NKX6-1: variants seen among roughly 807,000 people sequenced by gnomAD.
NKX6-1 encodes the protein homeobox protein Nkx-6.1.
NKX6-1 carries 11 observed loss-of-function variants against 24.9 expected under a neutral mutation model. The observed-to-expected ratio is 0.44, with a 90% CI of 0.28 to 0.73. The LOEUF is 0.73. Among genes scored for constraint, NKX6-1 ranks in the 30% least tolerant of loss-of-function variants. The probability of loss-of-function intolerance (pLI) is 0.15; values close to 1 mark genes in which losing one functional copy is unlikely to be tolerated. For missense variants in NKX6-1, 487 were observed against 502.9 expected, an observed-to-expected ratio of 0.97 and a Z score of 0.30; for synonymous variants, 277 against 242.9, an observed-to-expected ratio of 1.14 and a Z score of -1.31.
In NKX6-1 at chr4:84,493,220, C is replaced by CG. The variant is rs1277931287; in HGVS notation, c.*68dup. 5.3e-5 allele frequency: 72 copies of CG among 1,355,952 alleles called. No individual in the cohort carries two copies. The African/African-American group carries it at 7.5e-4, about 14-fold the overall frequency. 84.0% of individuals were successfully genotyped at this position (1,355,952 alleles called of 1,614,324 possible). On this transcript the variant is annotated 3_prime_UTR_variant, in exon 3 of 3. Transcript: ENST00000295886. This position sits in a 1 kb window ranked among gnomAD's most constrained non-coding sequence, Gnocchi z 5.1. ...GGAGCGGGCAGGCGCGGCGTGCACG[C>CG]GGTCCCCGCGCCCCTCGCGGCCCCA... is the stretch of plus-strand genomic sequence containing the variant.
In NKX6-1 at chr4:84,493,265, G is replaced by A. The variant is rs934575362; in HGVS notation, c.*24C>T. The A allele has an allele frequency of 9.1e-6, 14 of 1,540,306 alleles. No individual in the cohort carries two copies. In the African/African-American group the frequency reaches 1.8e-4, roughly 20 times the overall value. On this transcript the variant is annotated 3_prime_UTR_variant, in exon 3 of 3. Transcript: ENST00000295886. This position sits in a 1 kb window ranked among gnomAD's most constrained non-coding sequence, Gnocchi z 5.1. ...GCCCCAGAGGTGGAGGCCGGAGCCG[G>A]GAAGGTGCGGCGGGCGGCGGCGTTC...
chr4:84,495,652 G>A lies in NKX6-1; in HGVS notation c.843+20C>T. The A allele has an allele frequency of 6.2e-7, 1 of 1,608,404 alleles. No individual in the cohort carries two copies. The highest frequency in any genetic ancestry group is 8.5e-7 in the Non-Finnish European group (1 of 1,176,992). The stretch of plus-strand genomic sequence containing the variant: ...GACAGGGGCGGTACCTATCCCTCCA[G>A]GTATGCAAGGTCCACTCACCTTGAC... On this transcript the variant is annotated intron_variant, in intron 2 of 2. Coordinates refer to ENST00000295886, the MANE Select transcript of NKX6-1 (RefSeq NM_006168.3).
intron 1 of NKX6-1, 114 bp from the exon 2 acceptor site, chr4:84,495,958 G>T: frequency 9.4e-7 from 1 of 1,062,162 alleles, no homozygotes; most frequent in Non-Finnish European, 1.4e-6. Context: ...AGAAAGCTCA[G>T]TCTGTGGCGG....
In NKX6-1 at chr4:84,497,282, G is replaced by C. The variant is rs750986330; in HGVS notation, c.670+277C>G. Among the ~76,000 whole-genome samples the C allele has an allele frequency of 6.6e-6, 1 of 152,100 alleles. No homozygotes were observed. The highest frequency in any genetic ancestry group is 2.4e-5 in the African/African-American group (1 of 41,412). On this transcript the variant is annotated intron_variant, in intron 1 of 2. Transcript: ENST00000295886. The surrounding 1 kb of genome is among the most constrained non-coding windows in gnomAD (Gnocchi z 4.8). ...GGACGAGACACACGTCCCTCACCGC[G>C]TTGTGGTCCACACGAACACACACAC...
rs1401231402 is a variant in NKX6-1 at position 84,498,055 on chromosome 4, C to CGAG, written c.171_173dup (p.Ser59dup). 6.6e-6 allele frequency: 8 copies of CGAG among 1,206,274 alleles called. No individual in the cohort carries two copies. The highest frequency in any genetic ancestry group is 4.6e-5 in the Admixed American group (1 of 21,802). 74.7% of individuals were successfully genotyped at this position (1,206,274 alleles called of 1,614,324 possible). A position where few individuals can be genotyped will look rare whatever the true frequency, so the allele number is the denominator to read the frequency against. On this transcript the variant is annotated inframe_insertion, in exon 1 of 3. Transcript: ENST00000295886. ...GGGTGCCCAGAGGCGGGGAGGGCGA[C>CGAG]GAGGAGGACGACGACGAGGACGAGG... is the stretch of plus-strand genomic sequence containing the variant.
At chr4:84,495,343 A>T (rs569495862) in intron 2 of NKX6-1, among the ~76,000 whole-genome samples, 1 of 152,214 alleles carries the variant, frequency 6.6e-6, no homozygotes, top group African/African-American at 2.4e-5. Context: ...GGCCTGATCT[A>T]TTCTCTGGGC....
Position 84,497,476 on chromosome 4 carries a change from G to A in NKX6-1, c.670+83C>T. 1 of 1,247,774 alleles carries A rather than the reference G, an allele frequency of 8.0e-7. No homozygotes were observed. 77.3% of individuals were successfully genotyped at this position (1,247,774 alleles called of 1,614,324 possible). A position where few individuals can be genotyped will look rare whatever the true frequency, so the allele number is the denominator to read the frequency against. On this transcript the variant is annotated intron_variant, in intron 1 of 2. Coordinates refer to ENST00000295886, the MANE Select transcript of NKX6-1 (RefSeq NM_006168.3). The surrounding 1 kb of genome is among the most constrained non-coding windows in gnomAD (Gnocchi z 4.8). ...GGCGGGCCACAGGATGGACTGAGCGGCATGCACACCAGGGGCCGCGACCCG... is the reference window on the plus strand; with the variant it reads ...GGCGGGCCACAGGATGGACTGAGCGACATGCACACCAGGGGCCGCGACCCG...
rs1052636164 is a variant in NKX6-1 at position 84,492,264 on chromosome 4, C to T, written c.*1025G>A. On this transcript the variant is annotated 3_prime_UTR_variant, in exon 3 of 3. Coordinates refer to ENST00000295886, the MANE Select transcript of NKX6-1 (RefSeq NM_006168.3). ...CCAGAGCGGTTGTAACAATTCCCAC[C>T]ACCTACTTTAACACGCATTTTTATC... is the stretch of plus-strand genomic sequence containing the variant. The T allele has an allele frequency of 3.9e-5, 6 of 152,192 alleles. No individual in the cohort carries two copies. Among genetic ancestry groups the T allele is most frequent in the Non-Finnish European group, 5.9e-5 (4 of 68,034 alleles). The allele number at this position is 152,192 out of a possible 1,614,324, so 9.4% of individuals were successfully genotyped here. A position where few individuals can be genotyped will look rare whatever the true frequency, so the allele number is the denominator to read the frequency against.
At position 84,492,677 on chromosome 4, in the gene NKX6-1, A is replaced by C. The variant is rs1313911595; in HGVS notation, c.*612T>G. 6.6e-6 allele frequency: 1 copy of C among 152,268 alleles called. No homozygotes were observed. The highest frequency in any genetic ancestry group is 1.5e-5 in the Non-Finnish European group (1 of 68,046). The allele number at this position is 152,268 out of a possible 1,614,324, so 9.4% of individuals were successfully genotyped here. The stretch of plus-strand genomic sequence containing the variant: ...GGGAGGAGGAGAAGGAAGAAAGTCC[A>C]TCTTTTTATACGAAATTCAAAAAAG... On this transcript the variant is annotated 3_prime_UTR_variant, in exon 3 of 3. Transcript: ENST00000295886.
In NKX6-1 at chr4:84,497,233, C is replaced by G. The variant is rs1028823912; in HGVS notation, c.670+326G>C. 2.0e-5 allele frequency among the ~76,000 whole-genome samples: 3 copies of G among 152,038 alleles called. No individual in the cohort carries two copies. Among genetic ancestry groups the G allele is most frequent in the African/African-American group, 4.8e-5 (2 of 41,412 alleles). On this transcript the variant is annotated intron_variant, in intron 1 of 2. Coordinates refer to ENST00000295886, the MANE Select transcript of NKX6-1 (RefSeq NM_006168.3). This position sits in a 1 kb window ranked among gnomAD's most constrained non-coding sequence, Gnocchi z 4.8. ...GCCAGGCCTGCGGTCCTGGCCAGGC[C>G]GTTTCAGGAACAGCCAGGGCCTCGG...
At position 84,498,041 on chromosome 4, in the gene NKX6-1, G is replaced by A. The variant is rs1720858426; in HGVS notation, c.188C>T (p.Pro63Leu). ...GCCGCCTGGGTTGTGGGTGCCCAGAGGCGGGGAGGGCGACGAGGAGGACGA... is the reference window on the plus strand; with the variant it reads ...GCCGCCTGGGTTGTGGGTGCCCAGAAGCGGGGAGGGCGACGAGGAGGACGA... ...SSSSSSSPSP[P>L]LGTHNPGGLK... Residue 63 changes from proline to leucine, a missense_variant, in exon 1 of 3, where the codon CCT (proline) becomes CTT (leucine). Coordinates refer to ENST00000295886, the MANE Select transcript of NKX6-1 (RefSeq NM_006168.3). The A allele has an allele frequency of 8.0e-7, 1 of 1,257,652 alleles. No homozygotes were observed. Among genetic ancestry groups the A allele is most frequent in the Non-Finnish European group, 1.0e-6 (1 of 1,000,626 alleles). 77.9% of individuals were successfully genotyped at this position (1,257,652 alleles called of 1,614,324 possible).
intron 1 of NKX6-1, 74 bp from the exon 2 acceptor site, chr4:84,495,918 C>T: frequency 6.9e-7 from 1 of 1,446,992 alleles, no homozygotes; most frequent in Non-Finnish European, 9.6e-7. Context: ...GGGGAAAAAA[C>T]GAACTCGAAA....
chr4:84,497,430 C>G lies in NKX6-1; in HGVS notation c.670+129G>C, dbSNP rs1179249392. On this transcript the variant is annotated intron_variant, in intron 1 of 2. Coordinates refer to ENST00000295886, the MANE Select transcript of NKX6-1 (RefSeq NM_006168.3). This position sits in a 1 kb window ranked among gnomAD's most constrained non-coding sequence, Gnocchi z 4.8. ...CTGGCCCAACCTAACTGGTGTGATT[C>G]CGGCGCTGTCAAACTACTGGGGCGG... is the stretch of plus-strand genomic sequence containing the variant. The G allele has an allele frequency of 8.3e-7, 1 of 1,209,772 alleles. No individual in the cohort carries two copies. Among genetic ancestry groups the G allele is most frequent in the African/African-American group, 1.6e-5 (1 of 63,884 alleles). The allele number at this position is 1,209,772 out of a possible 1,614,324, so 74.9% of individuals were successfully genotyped here.
In NKX6-1 at chr4:84,493,368, AG is replaced by A; in HGVS notation, c.1024del (p.Leu342CysfsTer2). On this transcript the variant is annotated frameshift_variant, in exon 3 of 3. Transcript: ENST00000295886. LOFTEE classifies it high-confidence loss of function. The surrounding 1 kb of genome is among the most constrained non-coding windows in gnomAD (Gnocchi z 5.1). Reference protein sequence around the residue: ...PNSDDEKITQLLKKHKSSSGG... With the variant: ...PNSDDEKITQXLKKHKSSSGG... ...GCTGCTGGACTTGTGCTTCTTCAAC[AG>A]CTGCGTGATTTTCTCGTCGTCCGAG... 6.2e-7 allele frequency: 1 copy of A among 1,613,814 alleles called. No individual in the cohort carries two copies. Among genetic ancestry groups the A allele is most frequent in the Non-Finnish European group, 8.5e-7 (1 of 1,179,994 alleles).
intron 2 of NKX6-1, 131 bp downstream of exon 2, chr4:84,495,541 C>A (rs1206257191): frequency 4.9e-6 from 4 of 820,730 alleles, no homozygotes; most frequent in Admixed American, 2.5e-5. Context: ...TCTCCCCAGG[C>A]TCCTTGGATT....
intron 2 of NKX6-1, among the ~76,000 whole-genome samples, chr4:84,494,747 C>G (rs1000458036): frequency 1.3e-5 from 2 of 152,142 alleles, no homozygotes; most frequent in Admixed American, 6.5e-5. Flanking sequence ...AATACACTAG[C>G]CAGCAGACAT....
rs1720873576 is a variant in NKX6-1 at position 84,498,323 on chromosome 4, G to GC, written c.-96dup. On this transcript the variant is annotated 5_prime_UTR_variant, in exon 1 of 3. Transcript: ENST00000295886. ...GGAGCCGGAAGCGCCGAGGGCGCGA[G>GC]CGGAGAGGCACTCGGCGCGCCCGGA... 8.1e-7 allele frequency: 1 copy of GC among 1,241,530 alleles called. No homozygotes were observed. The highest frequency in any genetic ancestry group is 1.0e-6 in the Non-Finnish European group (1 of 988,640). The allele number at this position is 1,241,530 out of a possible 1,614,324, so 76.9% of individuals were successfully genotyped here. A position where few individuals can be genotyped will look rare whatever the true frequency, so the allele number is the denominator to read the frequency against.
Position 84,493,255 on chromosome 4 carries a change from GC to G in NKX6-1, c.*33del, listed in dbSNP as rs1345442618. On this transcript the variant is annotated 3_prime_UTR_variant, in exon 3 of 3. Transcript: ENST00000295886. This position sits in a 1 kb window ranked among gnomAD's most constrained non-coding sequence, Gnocchi z 5.1. ...GCCCCTCGCGGCCCCAGAGGTGGAG[GC>G]CGGAGCCGGGAAGGTGCGGCGGGCG... is the stretch of plus-strand genomic sequence containing the variant. 1 of 1,531,636 alleles carries G rather than the reference GC, an allele frequency of 6.5e-7. No homozygotes were observed. The highest frequency in any genetic ancestry group is 8.7e-7 in the Non-Finnish European group (1 of 1,149,286). The allele number at this position is 1,531,636 out of a possible 1,614,324, so 94.9% of individuals were successfully genotyped here. A position where few individuals can be genotyped will look rare whatever the true frequency, so the allele number is the denominator to read the frequency against.
Position 84,498,056 on chromosome 4 carries a change from G to C in NKX6-1, c.173C>G (p.Ser58Trp), listed in dbSNP as rs1560617381. Residue 58 changes from serine to tryptophan, a missense_variant, in exon 1 of 3, where the codon TCG becomes TGG. Ser to Trp is a radical substitution (Grantham distance 177, BLOSUM62 -3). Around this residue, in one of 3 missense-constraint regions of NKX6-1, gnomAD observed 316 missense variants for 311.4 expected, o/e 1.01. Transcript: ENST00000295886. ...PSSSSSSSSS[S>W]SPSPPLGTHN... Reference sequence around the variant, plus strand: ...GGTGCCCAGAGGCGGGGAGGGCGACGAGGAGGACGACGACGAGGACGAGGA... The same window carrying C: ...GGTGCCCAGAGGCGGGGAGGGCGACCAGGAGGACGACGACGAGGACGAGGA... The C allele has an allele frequency of 8.0e-7, 1 of 1,251,784 alleles. No individual in the cohort carries two copies. Among genetic ancestry groups the C allele is most frequent in the Non-Finnish European group, 1.0e-6 (1 of 997,108 alleles). 77.5% of individuals were successfully genotyped at this position (1,251,784 alleles called of 1,614,324 possible).
Sources: gnomAD v4.1 joint callset for allele counts (sites outside exome capture counted in the v4.1 genomes callset) on GRCh38, gnomAD v4.1.1 for gene constraint, gnomAD v4.1.1 regional missense constraint, Gnocchi (gnomAD v3.1) non-coding constraint, MANE v1.5 for transcripts, NCBI Gene and HGNC (gene_info 2026-07-23, HGNC 2026-07-21) for gene names.